Variants in PPARG observed in about 807,000 individuals in gnomAD.
PPARG encodes the protein peroxisome proliferator activated receptor gamma, also known as peroxisome proliferator-activated receptor gamma.
In PPARG, 17 loss-of-function variants were observed where a neutral mutation model predicts 39.2. The observed-to-expected ratio is 0.43, with a 90% CI of 0.30 to 0.65. The LOEUF is 0.65. PPARG is among the 30% of genes least tolerant of loss of function. The pLI, the probability that PPARG is intolerant of heterozygous loss-of-function variation, is 0.13. For synonymous variants in PPARG, 223 were observed against 215.7 expected, an observed-to-expected ratio of 1.03 and a Z score of -0.30; for missense variants, 406 against 585.9, an observed-to-expected ratio of 0.69 and a Z score of 3.17.
rs143331016 is a variant in PPARG, at chr3:12,423,154, A to C, written c.1180+6000A>C. On this transcript the variant is annotated intron_variant, in intron 7 of 7. Transcript: ENST00000651735. ...CACAAAAATGGACAGTCAACTTTAA[A>C]TAACTAAGTAAACACATCTCTGCTT... is the stretch of plus-strand genomic sequence containing the variant. Among the ~76,000 whole-genome samples the C allele has an allele frequency of 2.3e-3, 343 of 152,354 alleles. 2 individuals carry two copies. The highest frequency in any genetic ancestry group is 7.8e-3 in the African/African-American group (326 of 41,582).
chr3:12,433,635 C>T (rs1049709604), intron 7 of PPARG, among the ~76,000 whole-genome samples: 1 of 152,034 alleles, frequency 6.6e-6, no homozygotes, highest in Non-Finnish European at 1.5e-5. Flanking sequence ...GTTTTGATGC[C>T]ATGCTCCCTC....
At chr3:12,393,247 C>A in intron 5 of PPARG, among the ~76,000 whole-genome samples, 2 of 115,928 alleles carry the variant, frequency 1.7e-5, no homozygotes, top group Non-Finnish European at 1.7e-5. Context: ...GTATTCGTTT[C>A]CTTCACTTCA....
chr3:12,389,291 G>A (rs960379118), intron 4 of PPARG, among the ~76,000 whole-genome samples: 1 of 152,192 alleles, frequency 6.6e-6, no homozygotes, highest in African/African-American at 2.4e-5. Flanking sequence ...ATTCAGAAAT[G>A]TGAAGGCTAG....
chr3:12,402,798 A>G (rs1366937926), intron 5 of PPARG, among the ~76,000 whole-genome samples: 1 of 152,136 alleles, frequency 6.6e-6, no homozygotes, highest in East Asian at 1.9e-4. Context: ...ACTGGTGAAC[A>G]AGAAATGAAT....
At chr3:12,397,849 C>G (rs35812816) in intron 5 of PPARG, among the ~76,000 whole-genome samples, 9,699 of 152,180 alleles carry the variant, frequency 0.064, 378 homozygotes, top group Admixed American at 0.1. Flanking sequence ...CTCTACCCTG[C>G]GTGGACTCCA....
chr3:12,299,343 G>T (rs1028254409), intron 1 of PPARG, among the ~76,000 whole-genome samples: 1 of 152,130 alleles, frequency 6.6e-6, no homozygotes, highest in Non-Finnish European at 1.5e-5. Flanking sequence ...CCTGTGTCTT[G>T]TAACTAGATG....
At chr3:12,305,732 CCAT>C (rs1184607151) in intron 1 of PPARG, 1 of 152,154 alleles carries the variant, frequency 6.6e-6, no homozygotes, top group African/African-American at 2.4e-5. Flanking sequence ...TCCCAAATAG[CCAT>C]CATAACTTTT....
At chr3:12,395,307 A>T (rs2050218709) in intron 5 of PPARG, among the ~76,000 whole-genome samples, 1 of 152,162 alleles carries the variant, frequency 6.6e-6, no homozygotes, top group Non-Finnish European at 1.5e-5. Flanking sequence ...GAAAGTTTTC[A>T]CCTGTATGTT....
chr3:12,363,385 T>G (rs146597245), intron 2 of PPARG, among the ~76,000 whole-genome samples: 1 of 152,370 alleles, frequency 6.6e-6, no homozygotes, highest in African/African-American at 2.4e-5. Context: ...GTATCTGTTT[T>G]GACACTTTTG....
Position 12,423,385 on chromosome 3 carries a change from T to G in PPARG, c.1180+6231T>G, listed in dbSNP as rs1335149456. ...CACCAGTGTTCAATCAGCACTGAGT[T>G]TGAGGAGCACCGGGTTTGGGAGTAT... is the stretch of plus-strand genomic sequence containing the variant. On this transcript the variant is annotated intron_variant, in intron 7 of 7. Coordinates refer to ENST00000651735, the MANE Select transcript of PPARG (RefSeq NM_138711.6). 2.0e-5 allele frequency among the ~76,000 whole-genome samples: 3 copies of G among 152,324 alleles called. No homozygotes were observed. In the East Asian group the frequency reaches 5.8e-4, roughly 29 times the overall value.
At chr3:12,351,790 C>A (rs1427764925) in intron 2 of PPARG, 2 of 804,750 alleles carry the variant, frequency 2.5e-6, no homozygotes, top group Admixed American at 1.9e-5. Context: ...CATGTGTACA[C>A]TCCAGTATTT....
intron 6 of PPARG, among the ~76,000 whole-genome samples, chr3:12,412,843 G>A (rs1010280917): frequency 6.6e-6 from 1 of 152,268 alleles, no homozygotes; most frequent in Middle Eastern, 3.4e-3. Flanking sequence ...TGTCCCATTT[G>A]TAATTAAGCT....
intron 3 of PPARG, 111 bp from the exon 4 acceptor site, chr3:12,381,211 C>T: frequency 8.9e-7 from 1 of 1,124,620 alleles, no homozygotes; most frequent in Non-Finnish European, 1.3e-6. Flanking sequence ...TGTGCTTTTA[C>T]ACTGAAACAA....
intron 2 of PPARG, among the ~76,000 whole-genome samples, chr3:12,368,636 A>C (rs886120379): frequency 5.3e-5 from 8 of 152,208 alleles, no homozygotes; most frequent in Non-Finnish European, 1.2e-4. Flanking sequence ...TTAGGTGGTA[A>C]TAATACTTGT....
At chr3:12,419,196 C>G (rs1373120763) in intron 7 of PPARG, among the ~76,000 whole-genome samples, 1 of 152,024 alleles carries the variant, frequency 6.6e-6, no homozygotes, top group Non-Finnish European at 1.5e-5. Flanking sequence ...CCGCCTGCCT[C>G]GGCCTCCCAA....
intron 7 of PPARG, among the ~76,000 whole-genome samples, chr3:12,422,862 A>G (rs1303906208): frequency 6.7e-6 from 1 of 149,998 alleles, no homozygotes; most frequent in Non-Finnish European, 1.5e-5. Flanking sequence ...AGCCTGGGCA[A>G]CAGAGTGAGA....
chr3:12,319,689 A>G (rs2047484488), intron 2 of PPARG, among the ~76,000 whole-genome samples: 1 of 150,930 alleles, frequency 6.6e-6, no homozygotes, highest in African/African-American at 2.4e-5. Context: ...TTTTTTTTTA[A>G]CTGATGCTGA....
intron 2 of PPARG, among the ~76,000 whole-genome samples, chr3:12,364,258 T>C (rs556981420): frequency 6.6e-6 from 1 of 152,342 alleles, no homozygotes; most frequent in East Asian, 1.9e-4. Context: ...CTTTTTCCTG[T>C]TTTGATAGTT....
At chr3:12,428,741 T>G (rs7612778) in intron 7 of PPARG, among the ~76,000 whole-genome samples, 6,133 of 152,242 alleles carry the variant, frequency 0.04, 390 homozygotes, top group African/African-American at 0.14. Context: ...GGCAGATCCA[T>G]TTTGCCCTTG....
Sources: gnomAD v4.1 joint callset for allele counts (sites outside exome capture counted in the v4.1 genomes callset) on GRCh38, gnomAD v4.1.1 for gene constraint, MANE v1.5 for transcripts, NCBI Gene and HGNC (gene_info 2026-07-23, HGNC 2026-07-21) for gene names.